Variants in PCDH15 observed in about 807,000 individuals in gnomAD.
PCDH15 encodes protocadherin related 15.
In PCDH15, 129 loss-of-function variants were observed where a neutral mutation model predicts 178.5. The ratio of observed to expected loss-of-function variants is 0.72; its 90% CI spans 0.63 to 0.84. The LOEUF (loss-of-function observed/expected upper bound fraction) is 0.84. PCDH15 is among the 40% of genes least tolerant of loss of function. The probability of loss-of-function intolerance (pLI) is 0.00; values close to 1 mark genes in which losing one functional copy is unlikely to be tolerated. For missense variants in PCDH15, 2,230 were observed against 2,099.9 expected, an observed-to-expected ratio of 1.06 and a Z score of -1.21; for synonymous variants, 800 against 732.0, an observed-to-expected ratio of 1.09 and a Z score of -1.50.
At chr10:54,360,766 G>A (rs1565078265) in intron 5 of PCDH15, among the ~76,000 whole-genome samples, 1 of 151,822 alleles carries the variant, frequency 6.6e-6, no homozygotes, top group Non-Finnish European at 1.5e-5. Flanking sequence ...CTTTTACAGT[G>A]TCCCCTCATG....
chr10:55,425,269 A>C (rs1589015105), intron 2 of PCDH15, among the ~76,000 whole-genome samples: 1 of 151,978 alleles, frequency 6.6e-6, no homozygotes, highest in South Asian at 2.1e-4. Context: ...ATTGTTTGTA[A>C]AATTTTATTG....
At chr10:55,405,276 G>A (rs1468123607) in intron 2 of PCDH15, among the ~76,000 whole-genome samples, 1 of 72,866 alleles carries the variant, frequency 1.4e-5, no homozygotes, top group African/African-American at 6.1e-5. Flanking sequence ...TGTAGTGTGA[G>A]GTAACAGATA....
chr10:54,151,531 C>T (rs1016372683), intron 14 of PCDH15, among the ~76,000 whole-genome samples: 54 of 151,522 alleles, frequency 3.6e-4, no homozygotes, highest in African/African-American at 1.3e-3. Context: ...CAGAGTTAGA[C>T]CTGGGCTAGG....
At chr10:54,527,125 T>A (rs146507022) in intron 3 of PCDH15, among the ~76,000 whole-genome samples, 1 of 152,280 alleles carries the variant, frequency 6.6e-6, no homozygotes, top group African/African-American at 2.4e-5. Flanking sequence ...ACCATTTTAC[T>A]GCTGCCCAGT....
intron 5 of PCDH15, among the ~76,000 whole-genome samples, chr10:54,350,638 A>G (rs1944023661): frequency 6.6e-6 from 1 of 152,254 alleles, no homozygotes; most frequent in African/African-American, 2.4e-5. Flanking sequence ...GGCCTATGCC[A>G]GATGCAAAAA....
intron 1 of PCDH15, among the ~76,000 whole-genome samples, chr10:55,248,932 C>G (rs1369893834): frequency 6.6e-6 from 1 of 152,046 alleles, no homozygotes; most frequent in Admixed American, 6.6e-5. Context: ...AAGGACTTGA[C>G]AAATTGATAC....
intron 2 of PCDH15, among the ~76,000 whole-genome samples, chr10:55,324,882 A>G (rs532344930): frequency 1.6e-4 from 25 of 152,294 alleles, no homozygotes; most frequent in African/African-American, 6.0e-4. Context: ...GTTTCAGGAC[A>G]CAAAATTAAT....
chr10:54,212,161 C>T (rs10825278), intron 10 of PCDH15, among the ~76,000 whole-genome samples: 19,562 of 151,980 alleles, frequency 0.13, 2,373 homozygotes, highest in African/African-American at 0.32. Context: ...TTCTTAATTC[C>T]CATAGAAAGC....
At chr10:54,355,298 C>A (rs1356695417) in intron 5 of PCDH15, among the ~76,000 whole-genome samples, 1 of 151,700 alleles carries the variant, frequency 6.6e-6, no homozygotes, top group Non-Finnish European at 1.5e-5. Flanking sequence ...TATTCTAATA[C>A]TTGGTGAATA....
intron 2 of PCDH15, among the ~76,000 whole-genome samples, chr10:55,553,186 C>G (rs2132090017): frequency 6.6e-6 from 1 of 150,752 alleles, no homozygotes; most frequent in East Asian, 1.9e-4. Flanking sequence ...ATTTCATTTA[C>G]TCTTTTCTAC....
chr10:55,092,277 G>A (rs1842337239), intron 2 of PCDH15, among the ~76,000 whole-genome samples: 1 of 151,704 alleles, frequency 6.6e-6, no homozygotes, highest in African/African-American at 2.4e-5. Flanking sequence ...ACAACCAAAA[G>A]CAACACAGCT....
intron 25 of PCDH15, among the ~76,000 whole-genome samples, chr10:53,907,831 T>A (rs777245256): frequency 6.6e-6 from 1 of 152,196 alleles, no homozygotes; most frequent in Non-Finnish European, 1.5e-5. Context: ...CATTTAAACA[T>A]GGTAGAAGGA....
intron 1 of PCDH15, among the ~76,000 whole-genome samples, chr10:54,758,643 A>C (rs2133106770): frequency 6.6e-6 from 1 of 152,276 alleles, no homozygotes; most frequent in South Asian, 2.1e-4. Flanking sequence ...AAGGCAATGA[A>C]ACCAGATCAA....
chr10:55,198,142 GTTC>G (rs1412778081), intron 1 of PCDH15, among the ~76,000 whole-genome samples: 1 of 152,104 alleles, frequency 6.6e-6, no homozygotes, highest in Non-Finnish European at 1.5e-5. Flanking sequence ...CAAGTAATAT[GTTC>G]TTCTTCACTG....
intron 23 of PCDH15, among the ~76,000 whole-genome samples, 171 bp downstream of exon 23, chr10:53,959,561 A>G (rs891015587): frequency 1.3e-5 from 2 of 152,178 alleles, no homozygotes; most frequent in African/African-American, 2.4e-5. Context: ...TTTATACTAA[A>G]TTGTCATATT....
intron 3 of PCDH15, among the ~76,000 whole-genome samples, chr10:54,405,993 C>T (rs2135547678): frequency 6.6e-6 from 1 of 152,060 alleles, no homozygotes; most frequent in South Asian, 2.1e-4. Flanking sequence ...CAACCCAAAT[C>T]AGTCTTTTCA....
At chr10:53,869,980 C>A (rs1226137700) in intron 26 of PCDH15, among the ~76,000 whole-genome samples, 1 of 152,096 alleles carries the variant, frequency 6.6e-6, no homozygotes, top group African/African-American at 2.4e-5. Context: ...CTGTAAGATT[C>A]TAAGCCCTTA....
At chr10:54,917,055 A>T (rs1317135336) in intron 2 of PCDH15, among the ~76,000 whole-genome samples, 1 of 152,152 alleles carries the variant, frequency 6.6e-6, no homozygotes, top group Non-Finnish European at 1.5e-5. Flanking sequence ...CATGCTGCAG[A>T]TGGAAGAGTG....
At chr10:54,697,691 G>A (rs1483920368) in intron 1 of PCDH15, among the ~76,000 whole-genome samples, 2 of 100,984 alleles carry the variant, frequency 2.0e-5, no homozygotes, top group East Asian at 2.7e-4. Flanking sequence ...GAGGAAGGGA[G>A]GAAGGGAGGA....
Sources: gnomAD v4.1 joint callset for allele counts (sites outside exome capture counted in the v4.1 genomes callset) on GRCh38, gnomAD v4.1.1 for gene constraint, MANE v1.5 for transcripts, NCBI Gene and HGNC (gene_info 2026-07-23, HGNC 2026-07-21) for gene names.